The following WWOX variants were observed in gnomAD, a reference collection of about 807,000 sequenced individuals.
WWOX encodes WW domain containing oxidoreductase.
In WWOX, 69 loss-of-function variants were observed where a neutral mutation model predicts 46.2. The ratio of observed to expected loss-of-function variants is 1.49; its 90% CI spans 1.23 to 1.82. The LOEUF (loss-of-function observed/expected upper bound fraction) is 1.82, where lower values mean the gene tolerates loss of function less well. Ranked by LOEUF, WWOX falls within the 40% of genes most tolerant of loss-of-function variation. The pLI is 0.00. For synonymous variants in WWOX, 359 were observed against 202.6 expected, an observed-to-expected ratio of 1.77 and a Z score of -6.56; for missense variants, 919 against 542.6, an observed-to-expected ratio of 1.69 and a Z score of -6.89.
intron 8 of WWOX, among the ~76,000 whole-genome samples, chr16:79,140,140 T>C (rs1038732668): frequency 3.9e-5 from 6 of 152,188 alleles, no homozygotes; most frequent in East Asian, 1.9e-4. Flanking sequence ...GTTGTTGTTA[T>C]TGTTTTTCTT....
At chr16:79,037,864 G>A (rs565072421) in intron 8 of WWOX, among the ~76,000 whole-genome samples, 1 of 152,144 alleles carries the variant, frequency 6.6e-6, no homozygotes, top group East Asian at 1.9e-4. Flanking sequence ...TGCTCTCTGG[G>A]TGGCCGACTG....
chr16:78,540,267 C>G (rs2043860217), intron 8 of WWOX, among the ~76,000 whole-genome samples: 1 of 151,984 alleles, frequency 6.6e-6, no homozygotes. Context: ...AATCAAGAAC[C>G]CAGGTGCTTT....
intron 8 of WWOX, among the ~76,000 whole-genome samples, chr16:78,586,801 T>C (rs1047387243): frequency 1.3e-5 from 2 of 152,160 alleles, no homozygotes; most frequent in African/African-American, 4.8e-5. Context: ...CCCAGTATCA[T>C]CTATGTATAA....
intron 8 of WWOX, among the ~76,000 whole-genome samples, chr16:79,146,032 C>G (rs895679723): frequency 6.6e-6 from 1 of 152,062 alleles, no homozygotes; most frequent in Admixed American, 6.6e-5. Context: ...ATTTTCTAAC[C>G]CTTAGTTCTT....
intron 8 of WWOX, among the ~76,000 whole-genome samples, chr16:78,604,652 A>T (rs2045700487): frequency 6.7e-6 from 1 of 149,784 alleles, no homozygotes; most frequent in African/African-American, 2.5e-5. Context: ...GATTTAAAAA[A>T]GATTCCTTCC....
chr16:78,233,652 G>C lies in WWOX; in HGVS notation c.516+69363G>C, dbSNP rs1029182686. Among the ~76,000 whole-genome samples the C allele has an allele frequency of 4.7e-5, 7 of 150,174 alleles. No homozygotes were observed. In the East Asian group the frequency reaches 7.8e-4, roughly 17 times the overall value. On this transcript the variant is annotated intron_variant, in intron 5 of 8. Coordinates refer to ENST00000566780, the MANE Select transcript of WWOX (RefSeq NM_016373.4). The stretch of plus-strand genomic sequence containing the variant: ...TGCCATTCTTCTGCCTCAGCCTCCC[G>C]AGTAGCTGGGACTACAGGCGCCTGC...
chr16:78,107,739 A>T (rs989375859), intron 1 of WWOX, among the ~76,000 whole-genome samples: 6 of 152,186 alleles, frequency 3.9e-5, no homozygotes, highest in African/African-American at 1.4e-4. Context: ...AGAGGCTGAA[A>T]TAGGAGGGTT....
intron 5 of WWOX, among the ~76,000 whole-genome samples, chr16:78,177,595 G>C (rs2035392089): frequency 6.6e-6 from 1 of 152,322 alleles, no homozygotes; most frequent in East Asian, 1.9e-4. Context: ...TGTCAGGCTT[G>C]GGTGTGGTGT....
At chr16:78,375,598 G>T (rs564508620) in intron 5 of WWOX, among the ~76,000 whole-genome samples, 1 of 152,104 alleles carries the variant, frequency 6.6e-6, no homozygotes, top group African/African-American at 2.4e-5. Flanking sequence ...CATAGTCTCC[G>T]TAGGCTTCTT....
intron 8 of WWOX, among the ~76,000 whole-genome samples, chr16:78,510,612 T>G (rs1230632591): frequency 2.6e-5 from 4 of 152,202 alleles, no homozygotes; most frequent in Non-Finnish European, 5.9e-5. Flanking sequence ...GATACAAGAG[T>G]TGGGCACAAA....
chr16:78,164,796 T>C lies in WWOX; in HGVS notation c.516+507T>C, dbSNP rs191587021. Reference sequence around the variant, plus strand: ...TCCCTGCCCTCATAGGCTTACCTTCTAGGTAGGAAAAATAGACCATAATCA... The same window carrying C: ...TCCCTGCCCTCATAGGCTTACCTTCCAGGTAGGAAAAATAGACCATAATCA... On this transcript the variant is annotated intron_variant, in intron 5 of 8. Transcript: ENST00000566780. 2.1e-3 allele frequency among the ~76,000 whole-genome samples: 320 copies of C among 152,314 alleles called. 2 individuals are homozygous for C. Among genetic ancestry groups the C allele is most frequent in the African/African-American group, 6.2e-3 (257 of 41,574 alleles).
chr16:78,532,050 G>GGGGGAGTA (rs2043636161), intron 8 of WWOX, among the ~76,000 whole-genome samples: 1 of 151,204 alleles, frequency 6.6e-6, no homozygotes, highest in African/African-American at 2.4e-5. Flanking sequence ...AGTGGTATTT[G>GGGGGAGTA]GGGGAGTAGG....
intron 5 of WWOX, among the ~76,000 whole-genome samples, chr16:78,326,248 C>G (rs75919897): frequency 0.019 from 2,959 of 152,292 alleles, 100 homozygotes; most frequent in African/African-American, 0.068. Context: ...GGGCAAAACA[C>G]AACGGTTGCT....
At chr16:79,149,412 C>G (rs1013891494) in intron 8 of WWOX, among the ~76,000 whole-genome samples, 3 of 152,094 alleles carry the variant, frequency 2.0e-5, no homozygotes, top group African/African-American at 7.2e-5. Context: ...TTTTTTTATA[C>G]ATTGTTGGAT....
At chr16:78,342,929 G>A (rs2081040468) in intron 5 of WWOX, among the ~76,000 whole-genome samples, 1 of 120,500 alleles carries the variant, frequency 8.3e-6, no homozygotes, top group East Asian at 1.9e-4. Context: ...GCATCTTCTT[G>A]GAGATATAAG....
At chr16:79,147,721 T>C (rs2150727030) in intron 8 of WWOX, among the ~76,000 whole-genome samples, 1 of 152,352 alleles carries the variant, frequency 6.6e-6, no homozygotes, top group African/African-American at 2.4e-5. Context: ...TGATCTAGTT[T>C]CACTATATCT....
chr16:78,619,302 T>A (rs2046118189), intron 8 of WWOX, among the ~76,000 whole-genome samples: 2 of 123,738 alleles, frequency 1.6e-5, no homozygotes, highest in Admixed American at 1.8e-4. Flanking sequence ...AGTCGGAGGT[T>A]GCAGTAAGCT....
At chr16:78,715,339 G>A (rs942079879) in intron 8 of WWOX, among the ~76,000 whole-genome samples, 1 of 152,154 alleles carries the variant, frequency 6.6e-6, no homozygotes, top group African/African-American at 2.4e-5. Flanking sequence ...ATTTGTCAAA[G>A]TTCTTCATCC....
chr16:78,691,382 A>C (rs983376666), intron 8 of WWOX: 7 of 680,184 alleles, frequency 1.0e-5, no homozygotes, highest in Non-Finnish European at 1.9e-5. Flanking sequence ...GAAATCTCCT[A>C]AGTTGGCCTA....
Sources: gnomAD v4.1 joint callset for allele counts (sites outside exome capture counted in the v4.1 genomes callset) on GRCh38, gnomAD v4.1.1 for gene constraint, MANE v1.5 for transcripts, NCBI Gene and HGNC (gene_info 2026-07-23, HGNC 2026-07-21) for gene names.